CA13: variants seen among roughly 807,000 people sequenced by gnomAD.
CA13 encodes CA-XIII.
In CA13, 21 loss-of-function variants were observed where a neutral mutation model predicts 31.5. The observed-to-expected ratio is 0.67, with a 90% CI of 0.47 to 0.96. The LOEUF is 0.96. Ranked by LOEUF, CA13 falls within the 40% of genes least tolerant of loss-of-function variation. The probability of loss-of-function intolerance (pLI) is 0.00; values close to 1 mark genes in which losing one functional copy is unlikely to be tolerated. For synonymous variants in CA13, 117 were observed against 111.4 expected, an observed-to-expected ratio of 1.05 and a Z score of -0.32; for missense variants, 315 against 318.9, an observed-to-expected ratio of 0.99 and a Z score of 0.09.
Position 85,281,504 on chromosome 8 carries a change from C to T in CA13, c.*155C>T. 7.3e-7 allele frequency: 1 copy of T among 1,374,338 alleles called. No homozygotes were observed. Among genetic ancestry groups the T allele is most frequent in the Non-Finnish European group, 9.5e-7 (1 of 1,058,082 alleles). 85.1% of individuals were successfully genotyped at this position (1,374,338 alleles called of 1,614,324 possible). A position where few individuals can be genotyped will look rare whatever the true frequency, so the allele number is the denominator to read the frequency against. On this transcript the variant is annotated 3_prime_UTR_variant, in exon 7 of 7. Coordinates refer to ENST00000321764, the MANE Select transcript of CA13 (RefSeq NM_198584.3). ...CAGTGTCACAAAGAAAACCAGATCTCTCTCTCTTTTTTTTTTATTTTTTTT... is the reference window on the plus strand; with the variant it reads ...CAGTGTCACAAAGAAAACCAGATCTTTCTCTCTTTTTTTTTTATTTTTTTT...
intron 2 of CA13, among the ~76,000 whole-genome samples, chr8:85,258,635 C>T (rs2129966479): frequency 6.6e-6 from 1 of 151,698 alleles, no homozygotes; most frequent in African/African-American, 2.4e-5. Context: ...GAAGATAAAG[C>T]TTAGAAGTTA....
intron 6 of CA13, among the ~76,000 whole-genome samples, chr8:85,276,551 T>A (rs1807612659): frequency 6.6e-6 from 1 of 152,224 alleles, no homozygotes; most frequent in Non-Finnish European, 1.5e-5. Context: ...ACTATTCCAA[T>A]CGGCACTCTG....
In CA13 at chr8:85,282,022, A is replaced by C. The variant is rs1207426081; in HGVS notation, c.*673A>C. On this transcript the variant is annotated 3_prime_UTR_variant, in exon 7 of 7. Transcript: ENST00000321764. The stretch of plus-strand genomic sequence containing the variant: ...ATTAGTCACAGCTCTCAGTGATGTT[A>C]GATGGAAACTTATATCTCAAATGAT... 6.6e-6 allele frequency: 1 copy of C among 152,236 alleles called. No individual in the cohort carries two copies. Among genetic ancestry groups the C allele is most frequent in the Admixed American group, 6.5e-5 (1 of 15,286 alleles). 9.4% of individuals were successfully genotyped at this position (152,236 alleles called of 1,614,324 possible).
intron 1 of CA13, among the ~76,000 whole-genome samples, chr8:85,249,501 A>AG (rs1489013671): frequency 1.3e-5 from 2 of 151,876 alleles, no homozygotes; most frequent in Non-Finnish European, 2.9e-5. Flanking sequence ...TCTCAAAAAA[A>AG]AAAAAAAAAG....
chr8:85,268,659 C>G (rs746374704), intron 6 of CA13, 32 bp downstream of exon 6: 13 of 1,529,050 alleles, frequency 8.5e-6, no homozygotes, highest in Non-Finnish European at 1.1e-5. Context: ...GATACTGATT[C>G]CCTCAGAGGA....
intron 2 of CA13, 23 bp downstream of exon 2, chr8:85,250,960 G>C: frequency 1.3e-6 from 2 of 1,561,052 alleles, no homozygotes; most frequent in Non-Finnish European, 1.8e-6. Flanking sequence ...TTTTTTGTGT[G>C]TGTGGTGGTG....
At chr8:85,248,248 G>A (rs909094431) in intron 1 of CA13, among the ~76,000 whole-genome samples, 1 of 152,018 alleles carries the variant, frequency 6.6e-6, no homozygotes, top group Non-Finnish European at 1.5e-5. Flanking sequence ...ACCTGAGATC[G>A]GGAGTTCAAG....
rs771023361 is a variant in CA13 at position 85,281,138 on chromosome 8, C to T, written c.670-92C>T. 3.5e-6 allele frequency: 5 copies of T among 1,425,912 alleles called. No homozygotes were observed. In the African/African-American group the frequency reaches 4.3e-5, roughly 12 times the overall value. The allele number at this position is 1,425,912 out of a possible 1,614,324, so 88.3% of individuals were successfully genotyped here. The stretch of plus-strand genomic sequence containing the variant: ...AATTTTCATTGCAGTATTTTTTGTT[C>T]CTGGTTATAGATATATCTTCTTTAT... On this transcript the variant is annotated intron_variant, in intron 6 of 6. Coordinates refer to ENST00000321764, the MANE Select transcript of CA13 (RefSeq NM_198584.3).
chr8:85,272,174 C>T (rs948882935), intron 6 of CA13, among the ~76,000 whole-genome samples: 1 of 152,166 alleles, frequency 6.6e-6, no homozygotes, highest in African/African-American at 2.4e-5. Context: ...GATGTGCTGT[C>T]ACTAGAATTT....
At chr8:85,278,658 G>C (rs1807654271) in intron 6 of CA13, among the ~76,000 whole-genome samples, 1 of 152,078 alleles carries the variant, frequency 6.6e-6, no homozygotes, top group Non-Finnish European at 1.5e-5. Context: ...AGAGAGCTTT[G>C]GTCGGAGAAT....
chr8:85,275,950 C>G (rs542593904), intron 6 of CA13, among the ~76,000 whole-genome samples: 107 of 152,388 alleles, frequency 7.0e-4, no homozygotes, highest in Non-Finnish European at 1.1e-3. Flanking sequence ...TGCCTGGGCT[C>G]CCACTTTGGC....
chr8:85,278,488 G>C (rs1030004094), intron 6 of CA13, among the ~76,000 whole-genome samples: 2 of 152,120 alleles, frequency 1.3e-5, no homozygotes, highest in African/African-American at 2.4e-5. Context: ...AGTGGACAAG[G>C]GGCTTGGAAG....
chr8:85,247,345 G>T (rs1813750315), intron 1 of CA13, among the ~76,000 whole-genome samples: 1 of 152,156 alleles, frequency 6.6e-6, no homozygotes, highest in Non-Finnish European at 1.5e-5. Flanking sequence ...TCACCTGAAT[G>T]AAGCTTATTT....
At chr8:85,246,173 A>G in intron 1 of CA13, 1 of 525,614 alleles carries the variant, frequency 1.9e-6, no homozygotes, top group Non-Finnish European at 3.5e-6. Flanking sequence ...TTTGCCTAGT[A>G]ACAGCCACGT....
At position 85,252,818 on chromosome 8, in the gene CA13, G is replaced by A. The variant is rs939483896; in HGVS notation, c.235+1881G>A. Among the ~76,000 whole-genome samples the A allele has an allele frequency of 3.9e-5, 6 of 152,208 alleles. No homozygotes were observed. The East Asian group carries it at 1.2e-3, about 29-fold the overall frequency. ...GAAAGAAAGTTTTTACTTATTAATTGAGCCCAGATTTAGATTAGTAGTAAT... is the reference window on the plus strand; with the variant it reads ...GAAAGAAAGTTTTTACTTATTAATTAAGCCCAGATTTAGATTAGTAGTAAT... On this transcript the variant is annotated intron_variant, in intron 2 of 6. Transcript: ENST00000321764.
chr8:85,248,512 C>T (rs1383903430), intron 1 of CA13, among the ~76,000 whole-genome samples: 1 of 150,896 alleles, frequency 6.6e-6, no homozygotes, highest in Non-Finnish European at 1.5e-5. Context: ...GTAATCCTAG[C>T]TACTCAAAAG....
intron 1 of CA13, among the ~76,000 whole-genome samples, chr8:85,250,078 A>G (rs995065987): frequency 4.6e-5 from 7 of 152,226 alleles, no homozygotes; most frequent in African/African-American, 1.7e-4. Context: ...GAAGAAAGAG[A>G]GAAATAAATT....
At chr8:85,265,373 C>T (rs1320489864) in intron 3 of CA13, among the ~76,000 whole-genome samples, 3 of 152,172 alleles carry the variant, frequency 2.0e-5, no homozygotes, top group Non-Finnish European at 4.4e-5. Flanking sequence ...GTGGTTTTCT[C>T]CTTTATCGTT....
chr8:85,270,220 T>C (rs2129992018), intron 6 of CA13, among the ~76,000 whole-genome samples: 1 of 152,374 alleles, frequency 6.6e-6, no homozygotes, highest in African/African-American at 2.4e-5. Flanking sequence ...AAAGTACACA[T>C]GTACTGGGCT....
Sources: gnomAD v4.1 joint callset for allele counts (sites outside exome capture counted in the v4.1 genomes callset) on GRCh38, gnomAD v4.1.1 for gene constraint, MANE v1.5 for transcripts, NCBI Gene and HGNC (gene_info 2026-07-23, HGNC 2026-07-21) for gene names.